The following ADAP2 variants were observed in gnomAD, a reference collection of about 807,000 sequenced individuals.
ADAP2 encodes the protein arf-GAP with dual PH domain-containing protein 2.
Under a neutral mutation model 54.9 loss-of-function variants are expected in ADAP2, and 42 were observed. The observed-to-expected ratio is 0.77, with a 90% CI of 0.60 to 0.99. The LOEUF is 0.99. ADAP2 is among the 50% of genes least tolerant of loss of function. ADAP2 has a pLI of 0.00. For missense variants in ADAP2, 429 were observed against 480.4 expected (o/e 0.89, Z 1.00); for synonymous variants, 177 against 180.1 (o/e 0.98, Z 0.14).
At chr17:30,944,442 G>T (rs761802848) in intron 5 of ADAP2, among the ~76,000 whole-genome samples, 9 of 152,082 alleles carry the variant, frequency 5.9e-5, no homozygotes, top group Non-Finnish European at 1.3e-4. Flanking sequence ...TTCATGAGCA[G>T]CCTGGCCAAC....
intron 5 of ADAP2, among the ~76,000 whole-genome samples, chr17:30,938,291 A>T (rs866255377): frequency 7.9e-5 from 12 of 152,264 alleles, no homozygotes; most frequent in Middle Eastern, 3.4e-3. Flanking sequence ...GGTGTACTCT[A>T]TATGGGGGCT....
chr17:30,923,314 G>C (rs1363305902), intron 2 of ADAP2, among the ~76,000 whole-genome samples: 1 of 150,748 alleles, frequency 6.6e-6, no homozygotes, highest in Non-Finnish European at 1.5e-5. Context: ...GTCCAGGCTG[G>C]AGTGCAGTGG....
At chr17:30,935,364 G>A (rs112375390) in intron 5 of ADAP2, among the ~76,000 whole-genome samples, 3,102 of 152,142 alleles carry the variant, frequency 0.02, 41 homozygotes, top group African/African-American at 0.035. Context: ...GTGAAACTCC[G>A]TCTCAAGAAA....
At chr17:30,932,488 A>G (rs1299295760) in intron 4 of ADAP2, among the ~76,000 whole-genome samples, 3 of 151,630 alleles carry the variant, frequency 2.0e-5, no homozygotes, top group Non-Finnish European at 2.9e-5. Context: ...TCCTGAACTC[A>G]AGTGATCCTT....
rs142048510 is a variant in ADAP2 at position 30,929,886 on chromosome 17, T to C, written c.318-2003T>C. On this transcript the variant is annotated intron_variant, in intron 3 of 10. Coordinates refer to ENST00000330889, the MANE Select transcript of ADAP2 (RefSeq NM_018404.3). The stretch of plus-strand genomic sequence containing the variant: ...TAATTTTTGTATTTTTGTTTGTTTT[T>C]ATTTTTGTAGAGATGAGGTTTCATC... Among the ~76,000 whole-genome samples the C allele has an allele frequency of 4.9e-3, 749 of 151,926 alleles. 22 individuals are homozygous for C. Among genetic ancestry groups the C allele is most frequent in the Admixed American group, 0.043 (655 of 15,232 alleles).
intron 5 of ADAP2, among the ~76,000 whole-genome samples, chr17:30,941,203 G>A (rs1196920158): frequency 1.3e-5 from 2 of 152,200 alleles, no homozygotes; most frequent in Non-Finnish European, 2.9e-5. Context: ...TGTGTGAGCT[G>A]CACCAATTGA....
intron 3 of ADAP2, 65 bp downstream of exon 3, chr17:30,926,983 C>G: frequency 7.8e-7 from 1 of 1,286,780 alleles, no homozygotes; most frequent in Non-Finnish European, 1.1e-6. Context: ...CTCCCCCTCT[C>G]CATCTTTGGT....
At chr17:30,945,942 A>G (rs1029027785) in intron 6 of ADAP2, among the ~76,000 whole-genome samples, 1 of 150,900 alleles carries the variant, frequency 6.6e-6, no homozygotes, top group South Asian at 2.1e-4. Context: ...TCACGAGGTC[A>G]GGAGATCGAG....
intron 10 of ADAP2, 71 bp downstream of exon 10, chr17:30,956,540 G>A: frequency 7.4e-7 from 1 of 1,350,626 alleles, no homozygotes; most frequent in South Asian, 1.2e-5. Flanking sequence ...CTTCACTTAG[G>A]TTCAGCTTTG....
intron 3 of ADAP2, among the ~76,000 whole-genome samples, chr17:30,929,784 C>T (rs919827721): frequency 6.6e-6 from 1 of 152,182 alleles, no homozygotes; most frequent in Non-Finnish European, 1.5e-5. Flanking sequence ...GCAGCCCCAA[C>T]CTCCTCGGCT....
At chr17:30,923,119 G>C in intron 2 of ADAP2, 49 bp downstream of exon 2, 1 of 1,605,866 alleles carries the variant, frequency 6.2e-7, no homozygotes, top group Non-Finnish European at 8.5e-7. Flanking sequence ...GACTGGAGTA[G>C]AGGCAGCGGG....
chr17:30,943,718 G>A (rs537057427), intron 5 of ADAP2, among the ~76,000 whole-genome samples: 4 of 151,920 alleles, frequency 2.6e-5, no homozygotes, highest in South Asian at 2.1e-4. Context: ...ATGGCGGCAC[G>A]TGTCTGTAAT....
chr17:30,951,996 C>G (rs1471993517), intron 7 of ADAP2, among the ~76,000 whole-genome samples: 46 of 152,178 alleles, frequency 3.0e-4, no homozygotes, highest in Admixed American at 3.0e-3. Flanking sequence ...CCCTTTTAAA[C>G]TTCCCATAGC....
At chr17:30,935,951 T>C (rs560662071) in intron 5 of ADAP2, among the ~76,000 whole-genome samples, 1 of 152,262 alleles carries the variant, frequency 6.6e-6, no homozygotes, top group African/African-American at 2.4e-5. Context: ...AATTCACCCA[T>C]TAAAAGTATG....
rs748674854 is a variant in ADAP2, at chr17:30,956,220, C to T, written c.883-21C>T. 3 of 1,612,600 alleles carry T rather than the reference C, an allele frequency of 1.9e-6. No individual in the cohort carries two copies. In the African/African-American group the frequency reaches 4.0e-5, roughly 21 times the overall value. ...CTGCCCTGGGGGCACCCTCTGATGA[C>T]CCTGTACTCTCCATTTTCAGGATGC... On this transcript the variant is annotated intron_variant, in intron 9 of 10. Transcript: ENST00000330889.
At chr17:30,934,844 G>C (rs760890073) in intron 5 of ADAP2, among the ~76,000 whole-genome samples, 10 of 152,072 alleles carry the variant, frequency 6.6e-5, no homozygotes, top group Non-Finnish European at 1.5e-4. Context: ...GATCAGCCTG[G>C]GCAACATGGT....
intron 6 of ADAP2, 83 bp downstream of exon 6, chr17:30,945,136 C>G (rs1437830463): frequency 6.7e-7 from 1 of 1,495,080 alleles, no homozygotes; most frequent in African/African-American, 1.4e-5. Flanking sequence ...CCCCTGCTCA[C>G]TGGTGCTGTG....
At chr17:30,935,602 T>G (rs1452262405) in intron 5 of ADAP2, among the ~76,000 whole-genome samples, 22 of 152,160 alleles carry the variant, frequency 1.4e-4, no homozygotes, top group Admixed American at 1.4e-3. Flanking sequence ...GTCAAACACA[T>G]ACACCTTTGT....
chr17:30,938,552 C>T lies in ADAP2; in HGVS notation c.510+4255C>T, dbSNP rs151160390. ...AGCGCCATCTTTGGAGACCATCTAC[C>T]CCATTGAGCCCTGGGGCATTCCAGT... On this transcript the variant is annotated intron_variant, in intron 5 of 10. Coordinates refer to ENST00000330889, the MANE Select transcript of ADAP2 (RefSeq NM_018404.3). Among the ~76,000 whole-genome samples, 309 of 152,226 alleles carry T rather than the reference C, an allele frequency of 2.0e-3. 1 individual carries two copies. Among genetic ancestry groups the T allele is most frequent in the African/African-American group, 7.0e-3 (290 of 41,520 alleles).
Sources: gnomAD v4.1 joint callset for allele counts (sites outside exome capture counted in the v4.1 genomes callset) on GRCh38, gnomAD v4.1.1 for gene constraint, MANE v1.5 for transcripts, NCBI Gene and HGNC (gene_info 2026-07-23, HGNC 2026-07-21) for gene names.